The following NAA25 variants were observed in gnomAD, a reference collection of about 807,000 sequenced individuals.
NAA25 encodes the protein N-terminal acetyltransferase B complex subunit NAA25.
Under a neutral mutation model 132.5 loss-of-function variants are expected in NAA25, and 30 were observed. The ratio of observed to expected loss-of-function variants is 0.23; its 90% CI spans 0.17 to 0.31. The LOEUF (loss-of-function observed/expected upper bound fraction) is 0.31, where lower values mean the gene tolerates loss of function less well. Ranked by LOEUF, NAA25 falls within the 10% of genes least tolerant of loss-of-function variation. The pLI is 1.00. For synonymous variants in NAA25, 359 were observed against 401.9 expected (o/e 0.89, Z 1.28); for missense variants, 771 against 1,150.4 (o/e 0.67, Z 4.77).
At chr12:112,103,722 C>A (rs1183140771) in intron 1 of NAA25, among the ~76,000 whole-genome samples, 1 of 152,122 alleles carries the variant, frequency 6.6e-6, no homozygotes, top group Non-Finnish European at 1.5e-5. Flanking sequence ...TGGTCCCCAA[C>A]CTTTTTGGCA....
chr12:112,086,685 AT>A (rs1394787888), intron 4 of NAA25, among the ~76,000 whole-genome samples: 1 of 152,074 alleles, frequency 6.6e-6, no homozygotes, highest in South Asian at 2.1e-4. Flanking sequence ...CCTTCAGAAG[AT>A]ATTATACCCA....
At chr12:112,074,262 T>C (rs2078860785) in intron 9 of NAA25, among the ~76,000 whole-genome samples, 1 of 147,916 alleles carries the variant, frequency 6.8e-6, no homozygotes, top group Admixed American at 7.1e-5. Flanking sequence ...AATCGCTTGC[T>C]TCTGGGAGGC....
intron 13 of NAA25, among the ~76,000 whole-genome samples, chr12:112,056,195 G>T (rs984939892): frequency 6.6e-6 from 1 of 152,044 alleles, no homozygotes; most frequent in African/African-American, 2.4e-5. Flanking sequence ...TTAGCCGGGC[G>T]TGGTGGCGGG....
intron 1 of NAA25, among the ~76,000 whole-genome samples, chr12:112,098,519 T>C (rs1284273373): frequency 2.0e-5 from 3 of 152,202 alleles, no homozygotes; most frequent in African/African-American, 7.2e-5. Flanking sequence ...CCTAAATCTG[T>C]CTTCTTAGTA....
intron 4 of NAA25, among the ~76,000 whole-genome samples, chr12:112,083,545 A>G (rs1321919628): frequency 6.6e-6 from 1 of 151,914 alleles, no homozygotes; most frequent in East Asian, 1.9e-4. Context: ...AAAAAAAGAT[A>G]CAGCAGCGGC....
chr12:112,094,980 A>G (rs960481453), intron 1 of NAA25, among the ~76,000 whole-genome samples: 2 of 152,036 alleles, frequency 1.3e-5, no homozygotes, highest in African/African-American at 4.8e-5. Context: ...ATACATTTCA[A>G]GTTTTAAGGA....
chr12:112,046,186 C>T (rs900412069), intron 17 of NAA25, among the ~76,000 whole-genome samples: 1 of 152,190 alleles, frequency 6.6e-6, no homozygotes, highest in Non-Finnish European at 1.5e-5. Flanking sequence ...TCAGGATAGA[C>T]AGAGTGTACC....
At chr12:112,090,696 T>G in intron 3 of NAA25, 30 bp downstream of exon 3, 1 of 1,593,674 alleles carries the variant, frequency 6.3e-7, no homozygotes, top group Non-Finnish European at 8.5e-7. Flanking sequence ...TCAGCTCAAG[T>G]TTAAAAACAA....
intron 6 of NAA25, 119 bp downstream of exon 6, chr12:112,078,515 G>T: frequency 1.1e-6 from 1 of 925,830 alleles, no homozygotes; most frequent in Non-Finnish European, 1.6e-6. Flanking sequence ...TTACCCAAAG[G>T]CCAAAAGTGA....
chr12:112,042,851 A>G (rs558880757), intron 19 of NAA25, among the ~76,000 whole-genome samples: 1 of 152,340 alleles, frequency 6.6e-6, no homozygotes, highest in African/African-American at 2.4e-5. Context: ...ACAAATGAAG[A>G]ATTTCTTCAA....
At chr12:112,057,649 G>A (rs1349276449) in intron 13 of NAA25, among the ~76,000 whole-genome samples, 6 of 152,164 alleles carry the variant, frequency 3.9e-5, no homozygotes, top group Non-Finnish European at 7.4e-5. Context: ...GAGGTCAGGA[G>A]TTTGAGACCA....
chr12:112,037,297 T>A (rs1367179861), intron 22 of NAA25, among the ~76,000 whole-genome samples: 2 of 119,226 alleles, frequency 1.7e-5, no homozygotes, highest in Non-Finnish European at 3.7e-5. Flanking sequence ...TATATATATA[T>A]ATATATATAT....
At chr12:112,075,877 C>A in intron 7 of NAA25, 88 bp from the exon 8 acceptor site, 1 of 1,069,364 alleles carries the variant, frequency 9.4e-7, no homozygotes, top group South Asian at 1.4e-5. Flanking sequence ...AGGAAAATGT[C>A]ACATTTTCTT....
chr12:112,072,608 CAAA>C (rs1300393592), intron 9 of NAA25, among the ~76,000 whole-genome samples: 4 of 86,258 alleles, frequency 4.6e-5, no homozygotes, highest in Admixed American at 1.1e-4. Context: ...GATTCCATCT[CAAA>C]AAAAAAAAAA....
intron 1 of NAA25, among the ~76,000 whole-genome samples, chr12:112,093,371 C>T (rs1258414877): frequency 6.6e-6 from 1 of 151,894 alleles, no homozygotes. Context: ...TAAACCCCAA[C>T]TCTACTAAAA....
rs2079300434 is a variant in NAA25 at position 112,101,792 on chromosome 12, G to A, written c.58+6924C>T. 2.7e-5 allele frequency among the ~76,000 whole-genome samples: 4 copies of A among 150,368 alleles called. No individual in the cohort carries two copies. The South Asian group carries it at 6.2e-4, about 23-fold the overall frequency. ...TCAAAAAAAAAAGATAATACAAAGT[G>A]ATCACAACAGGAAGTTCAAAGAACC... On this transcript the variant is annotated intron_variant, in intron 1 of 23. Coordinates refer to ENST00000261745, the MANE Select transcript of NAA25 (RefSeq NM_024953.4).
chr12:112,039,109 T>TG (rs1328435750), intron 22 of NAA25, 120 bp downstream of exon 22: 4 of 497,824 alleles, frequency 8.0e-6, no homozygotes, highest in Non-Finnish European at 1.4e-5. Flanking sequence ...TCGTGGGCCA[T>TG]GGGTTGGAGA....
In NAA25 at chr12:112,072,020, T is replaced by C. The variant is rs759629918; in HGVS notation, c.911A>G (p.Lys304Arg). Residue 304 changes from lysine (K) to arginine (R), a missense_variant, in exon 10 of 24, where the codon AAG becomes AGG. Transcript: ENST00000261745. ...TTCCGTTATCCGATCTTCTATAAAC[T>C]TCACAGCTTTTTCTGCAGAATAATG... ...EVHYSAEKAV[K>R]FIEDRITEES... 3 of 1,613,884 alleles carry C rather than the reference T, an allele frequency of 1.9e-6. No homozygotes were observed. Among genetic ancestry groups the C allele is most frequent in the Admixed American group, 3.3e-5 (2 of 59,996 alleles).
chr12:112,097,989 C>T (rs193292368), intron 1 of NAA25, among the ~76,000 whole-genome samples: 1 of 151,838 alleles, frequency 6.6e-6, no homozygotes, highest in Non-Finnish European at 1.5e-5. Context: ...GGCTTGGTGG[C>T]GCACGCCTGT....
Sources: gnomAD v4.1 joint callset for allele counts (sites outside exome capture counted in the v4.1 genomes callset) on GRCh38, gnomAD v4.1.1 for gene constraint, MANE v1.5 for transcripts, NCBI Gene and HGNC (gene_info 2026-07-23, HGNC 2026-07-21) for gene names.